Variants in IQCB1 observed in about 807,000 individuals in gnomAD.
IQCB1 encodes the protein IQ motif containing B1.
Under a neutral mutation model 84.4 loss-of-function variants are expected in IQCB1, and 56 were observed. That is an observed-to-expected ratio of 0.66 (90% CI 0.54 to 0.83). The LOEUF is 0.83. IQCB1 is among the 40% of genes least tolerant of loss of function. IQCB1 has a pLI of 0.00. For synonymous variants in IQCB1, 210 were observed against 234.8 expected, an observed-to-expected ratio of 0.89 and a Z score of 0.96; for missense variants, 629 against 682.1, an observed-to-expected ratio of 0.92 and a Z score of 0.87.
intron 5 of IQCB1, among the ~76,000 whole-genome samples, chr3:121,810,851 G>T (rs1306326094): frequency 6.6e-6 from 1 of 152,116 alleles, no homozygotes; most frequent in East Asian, 1.9e-4. Context: ...CAACTAACCT[G>T]AATTAAACTA....
At chr3:121,818,662 A>G (rs780806919) in intron 5 of IQCB1, among the ~76,000 whole-genome samples, 21 of 152,232 alleles carry the variant, frequency 1.4e-4, no homozygotes, top group Non-Finnish European at 1.0e-4. Flanking sequence ...ATTGATAAGT[A>G]TTACCAAAAA....
chr3:121,830,440 T>C (rs1006136960), intron 2 of IQCB1, among the ~76,000 whole-genome samples: 2 of 151,928 alleles, frequency 1.3e-5, no homozygotes, highest in Admixed American at 1.3e-4. Flanking sequence ...CTCAAAGATA[T>C]CCTTATATAA....
intron 13 of IQCB1, among the ~76,000 whole-genome samples, chr3:121,781,341 T>C (rs574543029): frequency 2.8e-4 from 42 of 152,328 alleles, no homozygotes; most frequent in African/African-American, 9.9e-4. Flanking sequence ...TCAAATGCTA[T>C]ATCTTATTGG....
intron 10 of IQCB1, 125 bp downstream of exon 10, chr3:121,795,332 T>C (rs576529055): frequency 1.5e-5 from 11 of 711,198 alleles, no homozygotes; most frequent in African/African-American, 1.4e-4. Context: ...CAGAAACGTA[T>C]GGAAAAAAAA....
chr3:121,825,504 A>G (rs1950436730), intron 5 of IQCB1, among the ~76,000 whole-genome samples: 1 of 152,246 alleles, frequency 6.6e-6, no homozygotes, highest in African/African-American at 2.4e-5. Context: ...ATTGATAACA[A>G]TAAAGTATCT....
intron 14 of IQCB1, among the ~76,000 whole-genome samples, chr3:121,772,282 G>C (rs372812938): frequency 1.3e-3 from 198 of 152,296 alleles, no homozygotes; most frequent in African/African-American, 4.5e-3. Context: ...AGATTACTTA[G>C]TAAAAGATGG....
chr3:121,815,247 G>A (rs749535407), intron 5 of IQCB1, among the ~76,000 whole-genome samples: 9 of 152,202 alleles, frequency 5.9e-5, no homozygotes, highest in Non-Finnish European at 7.4e-5. Flanking sequence ...ACTAGGTATC[G>A]ATGGAACATA....
chr3:121,796,103 G>T (rs780278490), intron 9 of IQCB1, among the ~76,000 whole-genome samples: 6 of 151,946 alleles, frequency 3.9e-5, no homozygotes, highest in African/African-American at 4.8e-5. Context: ...ATGGCAAAGG[G>T]TACAACTATT....
At chr3:121,826,019 A>T (rs1950453040) in intron 5 of IQCB1, 32 bp downstream of exon 5, 2 of 1,579,654 alleles carry the variant, frequency 1.3e-6, no homozygotes, top group Non-Finnish European at 1.7e-6. Flanking sequence ...AATTAAACTG[A>T]TTTAGCTACA....
chr3:121,832,218 C>G lies in IQCB1; in HGVS notation c.-13+2173G>C, dbSNP rs909766223. On this transcript the variant is annotated intron_variant, in intron 2 of 14. Coordinates refer to ENST00000310864, the MANE Select transcript of IQCB1 (RefSeq NM_001023570.4). ...GGTTTGTCTTATTCTTTTGCAGAAG[C>G]TTTTCATACATGGATAGGAATCTTT... is the stretch of plus-strand genomic sequence containing the variant. Among the ~76,000 whole-genome samples, 4 of 152,100 alleles carry G rather than the reference C, an allele frequency of 2.6e-5. No individual in the cohort carries two copies. The East Asian group carries it at 5.8e-4, about 22-fold the overall frequency.
chr3:121,820,081 T>C (rs1950220910), intron 5 of IQCB1, among the ~76,000 whole-genome samples: 1 of 152,124 alleles, frequency 6.6e-6, no homozygotes, highest in African/African-American at 2.4e-5. Flanking sequence ...GAATTGATCA[T>C]CAATTTTTAA....
At chr3:121,831,638 A>C (rs1176196658) in intron 2 of IQCB1, among the ~76,000 whole-genome samples, 1 of 152,170 alleles carries the variant, frequency 6.6e-6, no homozygotes, top group African/African-American at 2.4e-5. Flanking sequence ...ATTGAATTAG[A>C]TGATACCCAG....
Position 121,797,078 on chromosome 3 carries a change from A to G in IQCB1, c.876+40T>C, listed in dbSNP as rs749970704. ...AGGAAAACTAAGGTTTAATATAGTCAGCAAATATCATGCAATTTTTTTTTT... is the reference window on the plus strand; with the variant it reads ...AGGAAAACTAAGGTTTAATATAGTCGGCAAATATCATGCAATTTTTTTTTT... On this transcript the variant is annotated intron_variant, in intron 9 of 14. Transcript: ENST00000310864. 6.8e-6 allele frequency: 7 copies of G among 1,023,756 alleles called. No homozygotes were observed. The South Asian group carries it at 7.6e-5, about 11-fold the overall frequency. 63.4% of individuals were successfully genotyped at this position (1,023,756 alleles called of 1,614,324 possible).
At chr3:121,829,010 G>A (rs1386208988) in intron 2 of IQCB1, 38 bp from the exon 3 acceptor site, 8 of 1,099,460 alleles carry the variant, frequency 7.3e-6, no homozygotes, top group Non-Finnish European at 9.8e-6. Flanking sequence ...AGGTCAAAAA[G>A]CCAGGAAATG....
intron 2 of IQCB1, among the ~76,000 whole-genome samples, chr3:121,833,519 C>T (rs1708069661): frequency 1.3e-5 from 2 of 152,120 alleles, no homozygotes; most frequent in Non-Finnish European, 1.5e-5. Context: ...TTATTGTCAT[C>T]AACAAATATG....
chr3:121,823,256 A>G (rs942433870), intron 5 of IQCB1, among the ~76,000 whole-genome samples: 10 of 152,196 alleles, frequency 6.6e-5, no homozygotes, highest in Middle Eastern at 3.2e-3. Flanking sequence ...GAGTGAAGGT[A>G]GAGAGAATAG....
chr3:121,790,651 A>G (rs1318766565), intron 10 of IQCB1, among the ~76,000 whole-genome samples: 2 of 152,214 alleles, frequency 1.3e-5, no homozygotes, highest in Admixed American at 1.3e-4. Context: ...TCTATGAACT[A>G]TGAAAACATA....
rs193185985 is a variant in IQCB1 at position 121,830,125 on chromosome 3, A to C, written c.-12-1153T>G. Among the ~76,000 whole-genome samples, 288 of 152,112 alleles carry C rather than the reference A, an allele frequency of 1.9e-3. 2 individuals are homozygous for C. Among genetic ancestry groups the C allele is most frequent in the Non-Finnish European group, 3.3e-3 (224 of 67,964 alleles). ...CAGGAGGCTGAGGCAGAATAGCTTG[A>C]ACCTAGGAGGTGGAGGTTGAGTGAC... On this transcript the variant is annotated intron_variant, in intron 2 of 14. Coordinates refer to ENST00000310864, the MANE Select transcript of IQCB1 (RefSeq NM_001023570.4).
intron 10 of IQCB1, among the ~76,000 whole-genome samples, chr3:121,792,842 C>T (rs924271521): frequency 1.3e-4 from 20 of 152,066 alleles, no homozygotes; most frequent in African/African-American, 4.3e-4. Context: ...TTATTTTGTT[C>T]AGAGTTTCTC....
Sources: allele counts gnomAD v4.1 joint callset (sites outside exome capture counted in the v4.1 genomes callset), GRCh38; gene constraint gnomAD v4.1.1; transcripts MANE v1.5; gene names NCBI Gene and HGNC (gene_info 2026-07-23, HGNC 2026-07-21).